DLGAP2: variants seen among roughly 807,000 people sequenced by gnomAD.
DLGAP2 encodes the protein disks large-associated protein 2.
DLGAP2 carries 26 observed loss-of-function variants against 100.3 expected under a neutral mutation model. The ratio of observed to expected loss-of-function variants is 0.26; its 90% CI spans 0.19 to 0.36. The LOEUF (loss-of-function observed/expected upper bound fraction) is 0.36. Ranked by LOEUF, DLGAP2 falls within the 10% of genes least tolerant of loss-of-function variation. DLGAP2 has a pLI of 1.00. For missense variants in DLGAP2, 1,858 were observed against 1,453.2 expected, an observed-to-expected ratio of 1.28 and a Z score of -4.53; for synonymous variants, 886 against 630.1, an observed-to-expected ratio of 1.41 and a Z score of -6.08.
At chr8:1,290,617 G>C (rs1800036498) in intron 3 of DLGAP2, among the ~76,000 whole-genome samples, 1 of 152,210 alleles carries the variant, frequency 6.6e-6, no homozygotes, top group Non-Finnish European at 1.5e-5. Context: ...AGAAAGACCA[G>C]AAAGGCAGAG....
chr8:1,695,050 C>T (rs1181034764), intron 13 of DLGAP2, among the ~76,000 whole-genome samples: 3 of 152,126 alleles, frequency 2.0e-5, no homozygotes, highest in African/African-American at 7.2e-5. Context: ...AGGAGGGGGG[C>T]ACGGGAAGGC....
chr8:1,350,989 A>T (rs1475984237), intron 3 of DLGAP2, among the ~76,000 whole-genome samples: 2 of 122,048 alleles, frequency 1.6e-5, no homozygotes, highest in Admixed American at 8.1e-5. Flanking sequence ...TGTGCGTGGA[A>T]AGGCCGTGCG....
chr8:815,966 A>G lies in DLGAP2; in HGVS notation c.18+78141A>G, dbSNP rs544902382. On this transcript the variant is annotated intron_variant, in intron 1 of 14. Coordinates refer to ENST00000637795, the MANE Select transcript of DLGAP2 (RefSeq NM_001346810.2). ...GTCCTTTTTTCAGTGTATAATGCCC[A>G]TCTTTGTCTTTTTAAAATGCTGTTG... Among the ~76,000 whole-genome samples, 468 of 152,254 alleles carry G rather than the reference A, an allele frequency of 3.1e-3. 5 individuals carry two copies. The highest frequency in any genetic ancestry group is 5.9e-3 in the Non-Finnish European group (400 of 68,002).
chr8:1,624,710 G>T (rs978163166), intron 6 of DLGAP2, among the ~76,000 whole-genome samples: 6 of 151,986 alleles, frequency 3.9e-5, no homozygotes, highest in Non-Finnish European at 8.8e-5. Context: ...GCTGGTGCCG[G>T]TCCCCACATC....
chr8:1,011,989 C>G (rs1388210291), intron 2 of DLGAP2, among the ~76,000 whole-genome samples: 2 of 152,216 alleles, frequency 1.3e-5, no homozygotes, highest in Admixed American at 1.3e-4. Flanking sequence ...GGCTGGTTGC[C>G]TGAGTGGCTC....
intron 10 of DLGAP2, 49 bp from the exon 11 acceptor site, chr8:1,676,484 C>T: frequency 6.4e-7 from 1 of 1,566,744 alleles, no homozygotes; most frequent in African/African-American, 1.4e-5. Flanking sequence ...AGTCCCTTGC[C>T]CAGGCCCCAT....
chr8:1,024,576 G>A (rs770332489), intron 2 of DLGAP2, among the ~76,000 whole-genome samples: 2 of 152,184 alleles, frequency 1.3e-5, no homozygotes, highest in Admixed American at 6.5e-5. Context: ...TCTGTGGTGG[G>A]GGTGCCTCCT....
At chr8:931,460 G>T (rs1448736913) in intron 2 of DLGAP2, among the ~76,000 whole-genome samples, 2 of 152,312 alleles carry the variant, frequency 1.3e-5, no homozygotes, top group East Asian at 1.9e-4. Context: ...TAAATTCCCT[G>T]GCTACCCTGG....
chr8:1,557,880 C>A (rs1232660020), intron 5 of DLGAP2, among the ~76,000 whole-genome samples: 1 of 152,226 alleles, frequency 6.6e-6, no homozygotes, highest in Non-Finnish European at 1.5e-5. Context: ...AACGTCCCAT[C>A]TCCAAATAAT....
chr8:1,130,460 G>A (rs546411923), intron 2 of DLGAP2, among the ~76,000 whole-genome samples: 7 of 152,254 alleles, frequency 4.6e-5, no homozygotes, highest in East Asian at 3.9e-4. Flanking sequence ...AGCATGAACC[G>A]CCGTACGCTT....
At chr8:974,287 G>A (rs758094895) in intron 2 of DLGAP2, among the ~76,000 whole-genome samples, 10 of 152,120 alleles carry the variant, frequency 6.6e-5, no homozygotes, top group Non-Finnish European at 1.0e-4. Flanking sequence ...AATGGCTCAC[G>A]TACAGAGGGG....
chr8:1,070,348 G>T (rs58131289), intron 2 of DLGAP2, among the ~76,000 whole-genome samples: 10 of 152,286 alleles, frequency 6.6e-5, no homozygotes, highest in African/African-American at 2.2e-4. Flanking sequence ...GTGAGCAGCG[G>T]CTGACATGGG....
At chr8:1,103,007 C>G (rs898368087) in intron 2 of DLGAP2, among the ~76,000 whole-genome samples, 2 of 150,950 alleles carry the variant, frequency 1.3e-5, no homozygotes, top group Non-Finnish European at 2.9e-5. Context: ...CTGTGGTTCC[C>G]TATGAGTCTC....
In DLGAP2 at chr8:1,565,887, C is replaced by T. The variant is rs372579035; in HGVS notation, c.1435C>T (p.His479Tyr). 1.1e-5 allele frequency: 18 copies of T among 1,603,160 alleles called. No homozygotes were observed. The highest frequency in any genetic ancestry group is 1.5e-5 in the Non-Finnish European group (18 of 1,175,098). Residue 479 changes from histidine (H) to tyrosine (Y), a missense_variant, in exon 6 of 15, where the codon CAC becomes TAC. By Grantham distance (83) the His-to-Tyr change is moderately conservative. Coordinates refer to ENST00000637795, the MANE Select transcript of DLGAP2 (RefSeq NM_001346810.2). The part of the protein sequence containing the change: ...KSIGQRPLGE[H>Y]QTQTYLQAAS... The stretch of plus-strand genomic sequence containing the variant: ...CATCGGACAGAGACCGCTTGGAGAG[C>T]ACCAGACGTAAGTGAGACCAGCTGC...
chr8:974,727 A>C (rs1381566801), intron 2 of DLGAP2, among the ~76,000 whole-genome samples: 1 of 152,174 alleles, frequency 6.6e-6, no homozygotes, highest in African/African-American at 2.4e-5. Flanking sequence ...ACTTATCAAA[A>C]TTTTTGAGAT....
intron 4 of DLGAP2, among the ~76,000 whole-genome samples, chr8:1,505,963 A>G (rs1799898314): frequency 6.6e-6 from 1 of 152,270 alleles, no homozygotes; most frequent in South Asian, 2.1e-4. Flanking sequence ...TTAAATTATC[A>G]AAGTATATTA....
At chr8:1,421,764 G>A (rs944992217) in intron 3 of DLGAP2, among the ~76,000 whole-genome samples, 1 of 152,062 alleles carries the variant, frequency 6.6e-6, no homozygotes, top group African/African-American at 2.4e-5. Flanking sequence ...AGCAGTTCGA[G>A]ACCAGCCTGG....
chr8:1,550,227 G>T (rs1205620601), intron 5 of DLGAP2, among the ~76,000 whole-genome samples: 1 of 152,184 alleles, frequency 6.6e-6, no homozygotes, highest in Non-Finnish European at 1.5e-5. Context: ...AGTGTCCCCT[G>T]TGTATGTACC....
intron 2 of DLGAP2, among the ~76,000 whole-genome samples, chr8:1,030,720 T>C (rs1001248865): frequency 3.9e-5 from 6 of 152,228 alleles, no homozygotes; most frequent in Non-Finnish European, 5.9e-5. Flanking sequence ...GAAGCAGCTG[T>C]ACTCTTGATA....
Sources: allele counts gnomAD v4.1 joint callset (sites outside exome capture counted in the v4.1 genomes callset), GRCh38; gene constraint gnomAD v4.1.1; transcripts MANE v1.5; gene names NCBI Gene and HGNC (gene_info 2026-07-23, HGNC 2026-07-21).